Variants in NDUFS4 observed in about 807,000 individuals in gnomAD.
The protein encoded by NDUFS4 is NADH dehydrogenase [ubiquinone] iron-sulfur protein 4, mitochondrial.
A neutral mutation model predicts 24.3 loss-of-function variants in NDUFS4; 28 were observed. The observed-to-expected ratio is 1.15, with a 90% CI of 0.85 to 1.58. The LOEUF is 1.58. Ranked by LOEUF, NDUFS4 falls within the 40% of genes most tolerant of loss-of-function variation. The pLI is 0.00. For synonymous variants in NDUFS4, 93 were observed against 69.7 expected (o/e 1.34, Z -1.67); for missense variants, 223 against 207.9 (o/e 1.07, Z -0.45).
Position 53,601,205 on chromosome 5 carries a change from G to A in NDUFS4, c.99-2247G>A, listed in dbSNP as rs188695436. Among the ~76,000 whole-genome samples the A allele has an allele frequency of 3.4e-3, 512 of 151,870 alleles. 11 individuals carry two copies. The highest frequency in any genetic ancestry group is 0.023 in the South Asian group (109 of 4,808). On this transcript the variant is annotated intron_variant, in intron 1 of 4. Coordinates refer to ENST00000296684, the MANE Select transcript of NDUFS4 (RefSeq NM_002495.4). ...TTTTTAGTAGAGACGGGGTTTCACC[G>A]TGTTAGCCAGGATGGTATCCATCTC...
chr5:53,640,353 G>C (rs1056692262), intron 2 of NDUFS4, among the ~76,000 whole-genome samples: 1 of 152,128 alleles, frequency 6.6e-6, no homozygotes, highest in Admixed American at 6.6e-5. Context: ...GCCAGTGTGG[G>C]CAGTATCTTG....
chr5:53,572,266 T>C (rs1007790203), intron 1 of NDUFS4, among the ~76,000 whole-genome samples: 8 of 152,176 alleles, frequency 5.3e-5, no homozygotes, highest in African/African-American at 1.4e-4. Context: ...CTTTCTGATA[T>C]AGGGAAGACA....
intron 1 of NDUFS4, among the ~76,000 whole-genome samples, chr5:53,567,671 T>C (rs1257629661): frequency 6.6e-6 from 1 of 152,200 alleles, no homozygotes; most frequent in African/African-American, 2.4e-5. Flanking sequence ...TTCTCGTGTC[T>C]GCTTTTTAAT....
chr5:53,683,301 T>G lies in NDUFS4; in HGVS notation c.*80T>G. On this transcript the variant is annotated 3_prime_UTR_variant, in exon 5 of 5. Transcript: ENST00000296684. Reference sequence around the variant, plus strand: ...TTATAGTCCATGTATAATAAATACATCTCTTAATCTCCTAATAAATTGGAC... The same window carrying G: ...TTATAGTCCATGTATAATAAATACAGCTCTTAATCTCCTAATAAATTGGAC... 1.0e-6 allele frequency: 1 copy of G among 975,736 alleles called. No homozygotes were observed. The highest frequency in any genetic ancestry group is 1.7e-6 in the Non-Finnish European group (1 of 605,958). 60.4% of individuals were successfully genotyped at this position (975,736 alleles called of 1,614,324 possible). A position where few individuals can be genotyped will look rare whatever the true frequency, so the allele number is the denominator to read the frequency against.
intron 4 of NDUFS4, among the ~76,000 whole-genome samples, chr5:53,675,210 G>A (rs1171499553): frequency 1.6e-5 from 2 of 126,714 alleles, no homozygotes; most frequent in Admixed American, 1.9e-4. Context: ...CACCCAGGCT[G>A]AAGTGCAGTG....
intron 1 of NDUFS4, among the ~76,000 whole-genome samples, chr5:53,586,384 G>T (rs1749755388): frequency 6.6e-6 from 1 of 150,626 alleles, no homozygotes; most frequent in African/African-American, 2.4e-5. Flanking sequence ...TCTAGTTATA[G>T]TAACTTATTA....
chr5:53,627,383 T>A (rs1192302125), intron 2 of NDUFS4, among the ~76,000 whole-genome samples: 7 of 152,204 alleles, frequency 4.6e-5, no homozygotes, highest in Non-Finnish European at 8.8e-5. Context: ...TGGTTCCATA[T>A]GAAATTTAAA....
At chr5:53,573,268 C>A (rs1331252095) in intron 1 of NDUFS4, among the ~76,000 whole-genome samples, 1 of 152,114 alleles carries the variant, frequency 6.6e-6, no homozygotes, top group Non-Finnish European at 1.5e-5. Flanking sequence ...AGCCACTGCA[C>A]CTGGCCCATC....
chr5:53,626,776 A>T (rs532981152), intron 2 of NDUFS4, among the ~76,000 whole-genome samples: 2 of 151,776 alleles, frequency 1.3e-5, no homozygotes, highest in Admixed American at 6.6e-5. Context: ...CAGATTCTGG[A>T]TATTAGTCCT....
At chr5:53,677,073 ATG>A (rs1202958670) in intron 4 of NDUFS4, among the ~76,000 whole-genome samples, 1 of 152,170 alleles carries the variant, frequency 6.6e-6, no homozygotes, top group Admixed American at 6.5e-5. Flanking sequence ...CTCCAGAAAA[ATG>A]TGTTCTAAAT....
intron 4 of NDUFS4, among the ~76,000 whole-genome samples, chr5:53,677,887 G>A (rs971792979): frequency 3.9e-5 from 6 of 152,174 alleles, no homozygotes; most frequent in Non-Finnish European, 8.8e-5. Flanking sequence ...TTGAGATTAG[G>A]TTATTAGAGA....
At chr5:53,608,364 C>T (rs1262549823) in intron 2 of NDUFS4, among the ~76,000 whole-genome samples, 1 of 152,132 alleles carries the variant, frequency 6.6e-6, no homozygotes, top group Non-Finnish European at 1.5e-5. Context: ...TAAAATAAGA[C>T]AACAGTGAAC....
intron 3 of NDUFS4, among the ~76,000 whole-genome samples, chr5:53,656,097 G>A (rs1752155085): frequency 6.6e-6 from 1 of 151,894 alleles, no homozygotes; most frequent in Admixed American, 6.6e-5. Context: ...TTGAGTTCTC[G>A]ATGCTCCTAG....
chr5:53,601,474 G>C (rs1038781), intron 1 of NDUFS4, among the ~76,000 whole-genome samples: 1 of 152,058 alleles, frequency 6.6e-6, no homozygotes, highest in East Asian at 1.9e-4. Context: ...AAACAATTAG[G>C]ACATAATCGT....
intron 2 of NDUFS4, among the ~76,000 whole-genome samples, chr5:53,611,107 C>T (rs920522530): frequency 6.6e-6 from 1 of 151,586 alleles, no homozygotes; most frequent in Admixed American, 6.6e-5. Context: ...TTTACTGTTA[C>T]ATTTTAGAAT....
Position 53,660,461 on chromosome 5 carries a change from T to A in NDUFS4, c.424+1837T>A, listed in dbSNP as rs1306873696. 2.0e-5 allele frequency among the ~76,000 whole-genome samples: 3 copies of A among 152,112 alleles called. No homozygotes were observed. The East Asian group carries it at 5.8e-4, about 29-fold the overall frequency. Reference sequence around the variant, plus strand: ...TGTGAATAGTGCCGCAGTAAACATATGTGTGCATGTGTCTTTACAGCAGCA... The same window carrying A: ...TGTGAATAGTGCCGCAGTAAACATAAGTGTGCATGTGTCTTTACAGCAGCA... On this transcript the variant is annotated intron_variant, in intron 4 of 4. Coordinates refer to ENST00000296684, the MANE Select transcript of NDUFS4 (RefSeq NM_002495.4).
At chr5:53,602,461 A>G (rs1378118679) in intron 1 of NDUFS4, among the ~76,000 whole-genome samples, 1 of 152,132 alleles carries the variant, frequency 6.6e-6, no homozygotes, top group East Asian at 1.9e-4. Context: ...CTCTTGTATT[A>G]TGTTATCTTT....
At chr5:53,670,311 G>A (rs1266112282) in intron 4 of NDUFS4, among the ~76,000 whole-genome samples, 1 of 151,794 alleles carries the variant, frequency 6.6e-6, no homozygotes, top group Non-Finnish European at 1.5e-5. Context: ...TAATAATCTA[G>A]ATCTACACTA....
At chr5:53,572,380 C>G (rs1416840148) in intron 1 of NDUFS4, among the ~76,000 whole-genome samples, 2 of 152,148 alleles carry the variant, frequency 1.3e-5, no homozygotes, top group African/African-American at 4.8e-5. Flanking sequence ...TACCTTCCTA[C>G]TTCGGCCGTT....
Sources: gnomAD v4.1 joint callset for allele counts (sites outside exome capture counted in the v4.1 genomes callset) on GRCh38, gnomAD v4.1.1 for gene constraint, MANE v1.5 for transcripts, NCBI Gene and HGNC (gene_info 2026-07-23, HGNC 2026-07-21) for gene names.